CRB1: variants seen among roughly 807,000 people sequenced by gnomAD.
The protein encoded by CRB1 is crumbs cell polarity complex component 1, also known as protein crumbs homolog 1.
A neutral mutation model predicts 120.0 loss-of-function variants in CRB1; 83 were observed. The observed-to-expected ratio is 0.69, with a 90% confidence interval of 0.58 to 0.83. The LOEUF is 0.83. CRB1 is among the 40% of genes least tolerant of loss of function. The probability of loss-of-function intolerance (pLI) is 0.00; values close to 1 mark genes in which losing one functional copy is unlikely to be tolerated. For missense variants in CRB1, 1,699 were observed against 1,687.6 expected, an observed-to-expected ratio of 1.01 and a Z score of -0.12; for synonymous variants, 625 against 612.5, an observed-to-expected ratio of 1.02 and a Z score of -0.30.
intron 5 of CRB1, among the ~76,000 whole-genome samples, chr1:197,408,663 A>G (rs1450840412): frequency 6.6e-6 from 1 of 152,170 alleles, no homozygotes; most frequent in Non-Finnish European, 1.5e-5. Context: ...TCCATACAAG[A>G]CAGGTTTTTA....
the CRB1 span, among the ~76,000 whole-genome samples, chr1:197,231,577 A>G: frequency 6.6e-6 from 1 of 152,212 alleles, no homozygotes; most frequent in Non-Finnish European, 1.5e-5. Flanking sequence ...TGAAATTTGT[A>G]GTATGAAGAA....
At chr1:197,335,001 T>C (rs1045913703) in intron 2 of CRB1, among the ~76,000 whole-genome samples, 1 of 152,126 alleles carries the variant, frequency 6.6e-6, no homozygotes, top group African/African-American at 2.4e-5. Flanking sequence ...TAACTTTAGG[T>C]AGAATGATCA....
chr1:197,431,507 T>C (rs947334879), intron 8 of CRB1, among the ~76,000 whole-genome samples: 1 of 152,204 alleles, frequency 6.6e-6, no homozygotes, highest in African/African-American at 2.4e-5. Flanking sequence ...TTGATAGAAA[T>C]ACTAAAGTTG....
chr1:197,282,459 A>G (rs1037382725), intron 1 of CRB1, among the ~76,000 whole-genome samples: 20 of 151,898 alleles, frequency 1.3e-4, no homozygotes, highest in African/African-American at 4.8e-4. Context: ...AAAAAATAGC[A>G]TGTGAAGGAA....
At chr1:197,433,986 C>A (rs184382877) in intron 8 of CRB1, among the ~76,000 whole-genome samples, 10 of 152,188 alleles carry the variant, frequency 6.6e-5, no homozygotes, top group African/African-American at 2.2e-4. Flanking sequence ...AGAGACAGAA[C>A]AAGTTGTTTG....
intron 1 of CRB1, among the ~76,000 whole-genome samples, chr1:197,289,406 G>A (rs1293226467): frequency 6.6e-6 from 1 of 151,386 alleles, no homozygotes; most frequent in African/African-American, 2.4e-5. Flanking sequence ...TTTCTTTCTG[G>A]TTTCTTAATG....
chr1:197,464,559 A>C (rs1399441488), intron 11 of CRB1, among the ~76,000 whole-genome samples: 1 of 152,076 alleles, frequency 6.6e-6, no homozygotes, highest in Non-Finnish European at 1.5e-5. Context: ...AAAATTGAAG[A>C]GGCTTAGTTT....
intron 11 of CRB1, among the ~76,000 whole-genome samples, chr1:197,453,713 A>G (rs1180379159): frequency 6.8e-6 from 1 of 146,604 alleles, no homozygotes; most frequent in Non-Finnish European, 1.5e-5. Flanking sequence ...AGTAGCTGGG[A>G]CTACAGCCAT....
intron 1 of CRB1, among the ~76,000 whole-genome samples, chr1:197,317,879 A>G (rs979910512): frequency 3.3e-5 from 5 of 152,186 alleles, no homozygotes; most frequent in African/African-American, 1.2e-4. Flanking sequence ...ATAAGACCTG[A>G]AATGAAACTA....
the CRB1 span, among the ~76,000 whole-genome samples, chr1:197,219,732 A>G: frequency 6.6e-6 from 1 of 152,194 alleles, no homozygotes; most frequent in Non-Finnish European, 1.5e-5. Context: ...TTCTCAACAA[A>G]ACTTGTATGA....
intron 9 of CRB1, chr1:197,438,190 G>A (rs1206684986): frequency 3.2e-6 from 1 of 315,318 alleles, no homozygotes; most frequent in African/African-American, 2.2e-5. Flanking sequence ...TTATAGAGAT[G>A]CAATTTTCCT....
intron 5 of CRB1, among the ~76,000 whole-genome samples, chr1:197,408,830 CAAAGT>C (rs1305160888): frequency 6.6e-6 from 1 of 152,168 alleles, no homozygotes; most frequent in African/African-American, 2.4e-5. Context: ...AATTACTTTT[CAAAGT>C]AAAGTCAACA....
Position 197,429,182 on chromosome 1 carries a change from A to G in CRB1, c.2677-267A>G, listed in dbSNP as rs957494963. The G allele has an allele frequency of 4.2e-5, 64 of 1,517,160 alleles. No homozygotes were observed. The South Asian group carries it at 7.2e-4, about 17-fold the overall frequency. 94.0% of individuals were successfully genotyped at this position (1,517,160 alleles called of 1,614,324 possible). A position where few individuals can be genotyped will look rare whatever the true frequency, so the allele number is the denominator to read the frequency against. On this transcript the variant is annotated intron_variant, in intron 7 of 11. Coordinates refer to ENST00000367400, the MANE Select transcript of CRB1 (RefSeq NM_201253.3). Reference sequence around the variant, plus strand: ...TGGTAATTTGTAAATTACAGAGGACACTGCTATACTTGAAAAACCCTCCTT... The same window carrying G: ...TGGTAATTTGTAAATTACAGAGGACGCTGCTATACTTGAAAAACCCTCCTT...
chr1:197,242,009 G>A, the CRB1 span, among the ~76,000 whole-genome samples: 10 of 152,014 alleles, frequency 6.6e-5, no homozygotes, highest in African/African-American at 1.9e-4. Context: ...TTGGTGTATA[G>A]GAATGCTTGT....
chr1:197,204,810 G>T, the CRB1 span, among the ~76,000 whole-genome samples: 1 of 152,130 alleles, frequency 6.6e-6, no homozygotes, highest in East Asian at 1.9e-4. Flanking sequence ...TGTTTTTGTT[G>T]CATTTGCTTT....
chr1:197,202,480 A>G, the CRB1 span, among the ~76,000 whole-genome samples: 12 of 152,210 alleles, frequency 7.9e-5, no homozygotes, highest in Non-Finnish European at 1.3e-4. Flanking sequence ...TATCAGAAAC[A>G]AGTATATTTA....
the CRB1 span, among the ~76,000 whole-genome samples, chr1:197,214,655 A>T: frequency 6.6e-6 from 1 of 151,524 alleles, no homozygotes. Flanking sequence ...ATCTGAACTA[A>T]AATAAAAAAA....
intron 5 of CRB1, among the ~76,000 whole-genome samples, chr1:197,395,561 C>T (rs1386632039): frequency 2.0e-5 from 3 of 152,060 alleles, no homozygotes; most frequent in Non-Finnish European, 4.4e-5. Context: ...ATACCCCTCT[C>T]CCTATAATTT....
intron 11 of CRB1, among the ~76,000 whole-genome samples, chr1:197,471,756 C>G (rs1235577800): frequency 6.6e-6 from 1 of 152,146 alleles, no homozygotes; most frequent in Non-Finnish European, 1.5e-5. Flanking sequence ...ATTTTAAAAA[C>G]AGAGTTTTGG....
Sources: gnomAD v4.1 joint callset for allele counts (sites outside exome capture counted in the v4.1 genomes callset) on GRCh38, gnomAD v4.1.1 for gene constraint, MANE v1.5 for transcripts, NCBI Gene and HGNC (gene_info 2026-07-23, HGNC 2026-07-21) for gene names.